Variants in COBL observed in about 807,000 individuals in gnomAD.
COBL encodes protein cordon-bleu.
A neutral mutation model predicts 98.8 loss-of-function variants in COBL; 51 were observed. The ratio of observed to expected loss-of-function variants is 0.52; its 90% CI spans 0.41 to 0.65. The LOEUF is 0.65. Ranked by LOEUF, COBL falls within the 30% of genes least tolerant of loss-of-function variation. The pLI, the probability that COBL is intolerant of heterozygous loss-of-function variation, is 0.00. For missense variants in COBL, 1,617 were observed against 1,617.5 expected, an observed-to-expected ratio of 1.00 and a Z score of 0.01; for synonymous variants, 634 against 651.7, an observed-to-expected ratio of 0.97 and a Z score of 0.41.
rs1183576295 is a variant in COBL at position 51,219,810 on chromosome 7, C to T, written c.176G>A (p.Arg59Lys). 1 of 1,614,156 alleles carries T rather than the reference C, an allele frequency of 6.2e-7. No homozygotes were observed. The highest frequency in any genetic ancestry group is 1.1e-5 in the South Asian group (1 of 91,086). ...CACGGTGACGTCCATGGTGCTGGCC[C>T]TCAGCGCCTCCTTCATGCGAACCAA... is the stretch of plus-strand genomic sequence containing the variant. ...QNLVRMKEALRASTMDVTVVL... is the reference protein window; with the variant it reads ...QNLVRMKEALKASTMDVTVVL... Residue 59 changes from arginine to lysine, a missense_variant, in exon 2 of 13, where the codon AGG (arginine) becomes AAG (lysine). Arg to Lys is a conservative substitution (Grantham distance 26, BLOSUM62 2). Coordinates refer to ENST00000265136, the MANE Select transcript of COBL (RefSeq NM_015198.5).
intron 4 of COBL, among the ~76,000 whole-genome samples, chr7:51,185,482 G>A (rs966433918): frequency 3.9e-5 from 6 of 152,174 alleles, no homozygotes; most frequent in African/African-American, 1.2e-4. Context: ...CATCAAGCAC[G>A]CAGACGGCAC....
Position 51,029,240 on chromosome 7 carries a change from G to A in COBL, c.1856C>T (p.Ser619Phe), listed in dbSNP as rs755536744. ...KGIRVALSNI[S>F]KDGNLMETAP... ...CGTTTCCATTAGATTCCCATCTTTA[G>A]AGATGTTAGATAAGGCCACACGGAT... Residue 619 changes from serine (S) to phenylalanine (F), a missense_variant, in exon 10 of 13, where the codon TCT becomes TTT. Around this residue, in one of 3 missense-constraint regions of COBL, gnomAD observed 1,304 missense variants for 1,282.0 expected, o/e 1.02. Transcript: ENST00000265136. The A allele has an allele frequency of 1.2e-6, 2 of 1,613,716 alleles. No homozygotes were observed. Among genetic ancestry groups the A allele is most frequent in the Non-Finnish European group, 8.5e-7 (1 of 1,179,826 alleles).
At chr7:51,198,524 C>A (rs1486333977) in intron 2 of COBL, among the ~76,000 whole-genome samples, 1 of 152,158 alleles carries the variant, frequency 6.6e-6, no homozygotes, top group Non-Finnish European at 1.5e-5. Flanking sequence ...TTGGGATTCT[C>A]TGCATTTATT....
intron 5 of COBL, 29 bp downstream of exon 5, chr7:51,184,073 C>T (rs759634191): frequency 2.6e-6 from 3 of 1,157,532 alleles, no homozygotes; most frequent in East Asian, 2.6e-5. Context: ...TTACATGATA[C>T]AAAATCATAT....
At chr7:51,310,678 T>C (rs1413146665) in intron 1 of COBL, among the ~76,000 whole-genome samples, 2 of 152,206 alleles carry the variant, frequency 1.3e-5, no homozygotes, top group African/African-American at 4.8e-5. Context: ...TTTGGTTTTT[T>C]TGAGACAGAG....
chr7:51,260,861 A>G (rs1302366908), intron 1 of COBL, among the ~76,000 whole-genome samples: 1 of 152,160 alleles, frequency 6.6e-6, no homozygotes, highest in Non-Finnish European at 1.5e-5. Context: ...CAGGCAGGTC[A>G]ATAACAGGGC....
chr7:51,190,581 C>T (rs1385759314), intron 4 of COBL, among the ~76,000 whole-genome samples: 1 of 152,168 alleles, frequency 6.6e-6, no homozygotes, highest in African/African-American at 2.4e-5. Context: ...CTCACCTTTT[C>T]CCCTTTTACT....
At chr7:51,076,528 T>G (rs1793089442) in intron 7 of COBL, among the ~76,000 whole-genome samples, 1 of 152,254 alleles carries the variant, frequency 6.6e-6, no homozygotes, top group Non-Finnish European at 1.5e-5. Context: ...TTGCTTAAAA[T>G]GTAAATCATT....
At chr7:51,165,035 GA>G (rs1244780428) in intron 5 of COBL, among the ~76,000 whole-genome samples, 9 of 151,872 alleles carry the variant, frequency 5.9e-5, no homozygotes, top group Non-Finnish European at 1.2e-4. Context: ...TACCACCAGA[GA>G]AAAACACCTT....
At chr7:51,022,869 G>A (rs1382518367) in intron 12 of COBL, 7 of 152,206 alleles carry the variant, frequency 4.6e-5, no homozygotes, top group Non-Finnish European at 1.0e-4. Context: ...ATAGACAATC[G>A]TCTCCAACCT....
chr7:51,026,442 C>G (rs1787561048), intron 11 of COBL, 104 bp downstream of exon 11: 24 of 1,439,252 alleles, frequency 1.7e-5, no homozygotes, highest in Non-Finnish European at 2.1e-5. Context: ...GTTCACCATC[C>G]AATCGGAAGG....
intron 7 of COBL, among the ~76,000 whole-genome samples, chr7:51,045,898 G>T (rs953240017): frequency 1.3e-5 from 2 of 152,202 alleles, no homozygotes. Context: ...GTGCACACAC[G>T]TGTTAAACCA....
intron 2 of COBL, among the ~76,000 whole-genome samples, chr7:51,209,556 T>C (rs1395782424): frequency 6.6e-6 from 1 of 152,224 alleles, no homozygotes; most frequent in Non-Finnish European, 1.5e-5. Context: ...AACATCACTA[T>C]GCACATGCAG....
At chr7:51,183,789 A>C (rs892597998) in intron 5 of COBL, among the ~76,000 whole-genome samples, 21 of 152,198 alleles carry the variant, frequency 1.4e-4, no homozygotes, top group Admixed American at 1.1e-3. Flanking sequence ...AGTTTCAGCC[A>C]CAGGCAGAGT....
chr7:51,155,589 C>CAAAAAAAAA lies in COBL; in HGVS notation c.784-19267_784-19259dup, dbSNP rs58500324. Among the ~76,000 whole-genome samples, 5 of 30,792 alleles carry CAAAAAAAAA rather than the reference C, an allele frequency of 1.6e-4. 1 individual carries two copies. Among genetic ancestry groups the CAAAAAAAAA allele is most frequent in the African/African-American group, 5.3e-4 (4 of 7,506 alleles). 20.2% of individuals were successfully genotyped at this position (30,792 alleles called of 152,430 possible). A position where few individuals can be genotyped will look rare whatever the true frequency, so the allele number is the denominator to read the frequency against. On this transcript the variant is annotated intron_variant, in intron 5 of 12. Coordinates refer to ENST00000265136, the MANE Select transcript of COBL (RefSeq NM_015198.5). ...TAGGTGACAGAGCAAGACTCCATCT[C>CAAAAAAAAA]AAAAAAAAAAAAAAAAAAAAAAAAA...
At chr7:51,173,685 C>G (rs907371272) in intron 5 of COBL, among the ~76,000 whole-genome samples, 1 of 152,160 alleles carries the variant, frequency 6.6e-6, no homozygotes, top group Admixed American at 6.5e-5. Context: ...GGGTACATGA[C>G]CCAACAATCC....
At chr7:51,144,371 C>T (rs1308374050) in intron 5 of COBL, among the ~76,000 whole-genome samples, 1 of 152,158 alleles carries the variant, frequency 6.6e-6, no homozygotes, top group African/African-American at 2.4e-5. Context: ...GTGGTGGAGC[C>T]AGACAGGCTG....
intron 6 of COBL, among the ~76,000 whole-genome samples, chr7:51,088,709 C>G (rs1583749592): frequency 6.6e-6 from 1 of 152,292 alleles, no homozygotes; most frequent in East Asian, 1.9e-4. Context: ...TCTGTTCACA[C>G]AGTAATGGGA....
chr7:51,219,999 C>G (rs1043122410), intron 1 of COBL, 55 bp from the exon 2 acceptor site: 1 of 1,527,076 alleles, frequency 6.5e-7, no homozygotes, highest in Non-Finnish European at 8.9e-7. Flanking sequence ...CTACCTGCCT[C>G]GGAATAATTC....
Sources: allele counts gnomAD v4.1 joint callset (sites outside exome capture counted in the v4.1 genomes callset), GRCh38; gene constraint gnomAD v4.1.1; regional missense constraint gnomAD v4.1.1; transcripts MANE v1.5; gene names NCBI Gene and HGNC (gene_info 2026-07-23, HGNC 2026-07-21).